Variants in EPHB4 observed in about 807,000 individuals in gnomAD.
The protein encoded by EPHB4 is ephrin type-B receptor 4.
EPHB4 carries 50 observed loss-of-function variants against 110.6 expected under a neutral mutation model. The ratio of observed to expected loss-of-function variants is 0.45; its 90% confidence interval spans 0.36 to 0.57. EPHB4 has a LOEUF of 0.57. EPHB4 is among the 20% of genes least tolerant of loss of function. The pLI, the probability that EPHB4 is intolerant of heterozygous loss-of-function variation, is 0.00. For synonymous variants in EPHB4, 592 were observed against 578.4 expected (o/e 1.02, Z -0.34); for missense variants, 1,128 against 1,382.1 (o/e 0.82, Z 2.91).
In EPHB4 at chr7:100,818,503, C is replaced by G; in HGVS notation, c.1422+17G>C. The stretch of plus-strand genomic sequence containing the variant: ...AACCCATTGCCCACCCACCCCAGGG[C>G]TGGGGGATGGCCTTACCTTCTCATG... On this transcript the variant is annotated intron_variant, in intron 7 of 16. Transcript: ENST00000358173. 1 of 1,613,256 alleles carries G rather than the reference C, an allele frequency of 6.2e-7. No homozygotes were observed. The highest frequency in any genetic ancestry group is 8.5e-7 in the Non-Finnish European group (1 of 1,179,410).
chr7:100,818,482 C>G (rs756371647), intron 7 of EPHB4, 38 bp downstream of exon 7: 1 of 1,607,552 alleles, frequency 6.2e-7, no homozygotes, highest in Non-Finnish European at 8.5e-7. Flanking sequence ...GAGCACAACC[C>G]ATTGCCCACC....
intron 1 of EPHB4, 159 bp downstream of exon 1, chr7:100,826,820 C>G: frequency 3.6e-5 from 24 of 660,242 alleles, no homozygotes; most frequent in Middle Eastern, 3.1e-4. Context: ...CGCCTCTTCC[C>G]CGCCCCCCTC....
At chr7:100,817,475 C>T (rs927451344) in intron 7 of EPHB4, 118 bp from the exon 8 acceptor site, 20 of 1,175,732 alleles carry the variant, frequency 1.7e-5, no homozygotes, top group South Asian at 1.4e-4. Context: ...ACTGGTGAGG[C>T]CTTTGGGAGA....
Position 100,813,120 on chromosome 7 carries a change from G to T in EPHB4, c.1845C>A (p.Val615=). 1.2e-6 allele frequency: 2 copies of T among 1,613,052 alleles called. No individual in the cohort carries two copies. The highest frequency in any genetic ancestry group is 1.1e-5 in the South Asian group (1 of 91,078). ...EFAKEIDVSY[V]KIEEVIGAGE... The stretch of plus-strand genomic sequence containing the variant: ...CTGCACCAATCACCTCTTCAATCTT[G>T]ACGTAGGAGACATCGATCTCTTTTG... Residue 615 remains valine (V), a synonymous_variant, in exon 11 of 17, where the codon GTC becomes GTA. Coordinates refer to ENST00000358173, the MANE Select transcript of EPHB4 (RefSeq NM_004444.5).
In EPHB4 at chr7:100,807,544, C is replaced by A; in HGVS notation, c.2155G>T (p.Gly719Cys). The A allele has an allele frequency of 6.2e-7, 1 of 1,614,070 alleles. No individual in the cohort carries two copies. The highest frequency in any genetic ancestry group is 8.5e-7 in the Non-Finnish European group (1 of 1,180,000). Residue 719 changes from glycine to cysteine, a missense_variant, in exon 13 of 17, where the codon GGC becomes TGC. Physicochemically the swap from Gly to Cys is radical, Grantham distance 159. Coordinates refer to ENST00000358173, the MANE Select transcript of EPHB4 (RefSeq NM_004444.5). ...DGQFTVIQLV[G>C]MLRGIASGMR... ...CCCGAGGCGATGCCCCGCAGCATGC[C>A]CACGAGCTGGATGACTGTGAACTGT...
chr7:100,812,732 AG>A lies in EPHB4; in HGVS notation c.2118+14del, dbSNP rs1338171362. ...GGAACTCCGGGTGGCCGCAGAAGCC[AG>A]GGAGGGTGCTCACCCGCAGGAAGGA... On this transcript the variant is annotated intron_variant, in intron 12 of 16. Coordinates refer to ENST00000358173, the MANE Select transcript of EPHB4 (RefSeq NM_004444.5). 2 of 1,608,718 alleles carry A rather than the reference AG, an allele frequency of 1.2e-6. No individual in the cohort carries two copies. Among genetic ancestry groups the A allele is most frequent in the Non-Finnish European group, 1.7e-6 (2 of 1,178,112 alleles).
chr7:100,811,279 A>T (rs1011855470), intron 12 of EPHB4, among the ~76,000 whole-genome samples: 19 of 62,842 alleles, frequency 3.0e-4, no homozygotes, highest in Admixed American at 1.7e-3. Context: ...TAATAAAGTT[A>T]AAAAAAAAAA....
Position 100,820,309 on chromosome 7 carries a change from A to G in EPHB4, c.809-13T>C, listed in dbSNP as rs1813193233. 6.2e-6 allele frequency: 10 copies of G among 1,612,260 alleles called. No homozygotes were observed. Among genetic ancestry groups the G allele is most frequent in the Non-Finnish European group, 8.5e-6 (10 of 1,179,418 alleles). On this transcript the variant is annotated splice_polypyrimidine_tract_variant and intron_variant, in intron 4 of 16. Transcript: ENST00000358173. ...CCCTGGGCACAGGCTGAGAGAGAGAAAGCATTCATCAAAAGCATGCACAAA... is the reference window on the plus strand; with the variant it reads ...CCCTGGGCACAGGCTGAGAGAGAGAGAGCATTCATCAAAAGCATGCACAAA...
chr7:100,822,233 G>C lies in EPHB4; in HGVS notation c.808+38C>G. 6 of 1,537,096 alleles carry C rather than the reference G, an allele frequency of 3.9e-6. No homozygotes were observed. Among genetic ancestry groups the C allele is most frequent in the Non-Finnish European group, 5.3e-6 (6 of 1,142,304 alleles). On this transcript the variant is annotated intron_variant, in intron 4 of 16. Transcript: ENST00000358173. This position sits in a 1 kb window ranked among gnomAD's most constrained non-coding sequence, Gnocchi z 4.7. ...TGAGTGGAGTTCAGGACTCTCCCCC[G>C]GATGAGCAGCAGTCGCAGGGGAAGC...
rs1813301239 is a variant in EPHB4 at position 100,823,760 on chromosome 7, A to G, written c.295T>C (p.Ser99Pro). 6.2e-7 allele frequency: 1 copy of G among 1,613,592 alleles called. No homozygotes were observed. The highest frequency in any genetic ancestry group is 8.5e-7 in the Non-Finnish European group (1 of 1,179,956). ...TLRFTMLECL[S>P]LPRAGRSCKE... ...CAGGAGCGCCCAGCCCGAGGCAGGGACAGGCACTCGAGCATGGTGAAGCGC... is the reference window on the plus strand; with the variant it reads ...CAGGAGCGCCCAGCCCGAGGCAGGGGCAGGCACTCGAGCATGGTGAAGCGC... The change falls in exon 3 of 17, where the codon TCC becomes CCC. Residue 99 changes from serine to proline, a missense_variant. This residue lies in a region of EPHB4 where 728 missense variants were observed against 828.6 expected (regional missense o/e 0.88). Transcript: ENST00000358173.
At chr7:100,806,351 C>T in intron 14 of EPHB4, 69 bp downstream of exon 14, 4 of 1,543,238 alleles carry the variant, frequency 2.6e-6, no homozygotes, top group Non-Finnish European at 3.5e-6. Context: ...TCTGGGAACC[C>T]ACCCTTCACC....
intron 16 of EPHB4, 107 bp from the exon 17 acceptor site, chr7:100,803,697 AAGCC>A: frequency 1.5e-6 from 2 of 1,338,670 alleles, no homozygotes; most frequent in South Asian, 3.9e-5. Flanking sequence ...CCAATCAGAA[AAGCC>A]AGCGGGGGAG....
Position 100,805,575 on chromosome 7 carries a change from G to C in EPHB4, c.2604C>G (p.Pro868=). 1.3e-6 allele frequency: 2 copies of C among 1,548,244 alleles called. No individual in the cohort carries two copies. The highest frequency in any genetic ancestry group is 1.7e-6 in the Non-Finnish European group (2 of 1,149,028). The change falls in exon 15 of 17, where the codon CCC becomes CCG. Residue 868 remains proline, a synonymous_variant. Coordinates refer to ENST00000358173, the MANE Select transcript of EPHB4 (RefSeq NM_004444.5). The part of the protein sequence containing the change: ...QKDRNARPRF[P]QVVSALDKMI... ...TCTTGTCCAGGGCGCTGACCACCTGGGGGAAGCGGGGCCGGGCATTCCGGT... is the reference window on the plus strand; with the variant it reads ...TCTTGTCCAGGGCGCTGACCACCTGCGGGAAGCGGGGCCGGGCATTCCGGT...
chr7:100,820,370 C>G, intron 4 of EPHB4, 74 bp from the exon 5 acceptor site: 1 of 1,515,726 alleles, frequency 6.6e-7, no homozygotes, highest in Non-Finnish European at 8.8e-7. Context: ...GTGGCTCATG[C>G]CTCGAATCCC....
rs762550990 is a variant in EPHB4, at chr7:100,819,900, C to T, written c.965-11G>A. ...GAGCCGAAGGAGGGGCTGCAGGAGA[C>T]CAGGGAGTCAGGCAGAGGCCGACCT... On this transcript the variant is annotated splice_polypyrimidine_tract_variant and intron_variant, in intron 5 of 16. Coordinates refer to ENST00000358173, the MANE Select transcript of EPHB4 (RefSeq NM_004444.5). The T allele has an allele frequency of 8.4e-6, 13 of 1,538,524 alleles. No individual in the cohort carries two copies. The highest frequency in any genetic ancestry group is 1.4e-5 in the African/African-American group (1 of 72,776).
At chr7:100,805,785 G>C in intron 14 of EPHB4, 91 bp from the exon 15 acceptor site, 1 of 1,268,348 alleles carries the variant, frequency 7.9e-7, no homozygotes, top group Non-Finnish European at 1.0e-6. Context: ...GAAGATGGTA[G>C]GATAGGAGCC....
intron 7 of EPHB4, among the ~76,000 whole-genome samples, chr7:100,818,261 A>G (rs1813131246): frequency 6.6e-6 from 1 of 152,102 alleles, no homozygotes; most frequent in Non-Finnish European, 1.5e-5. Context: ...TCAGCCTCCC[A>G]AAGTGCTTGG....
intron 7 of EPHB4, among the ~76,000 whole-genome samples, chr7:100,817,643 C>T (rs545630344): frequency 1.1e-4 from 16 of 152,074 alleles, no homozygotes; most frequent in Admixed American, 6.6e-4. Context: ...ATTCTCCTGT[C>T]TCAGCCTCCT....
Position 100,807,408 on chromosome 7 carries a change from A to T in EPHB4, c.2291T>A (p.Phe764Tyr). The stretch of plus-strand genomic sequence containing the variant: ...GGGATCGGAAGAGTTCTCCTCCAGG[A>T]ATCGGGAAAGGCCAAAGTCAGACAC... ...CKVSDFGLSR[F>Y]LEENSSDPTY... The change falls in exon 13 of 17, where the codon TTC becomes TAC. Residue 764 changes from phenylalanine to tyrosine, a missense_variant. Physicochemically the swap from Phe to Tyr is conservative, Grantham distance 22 (BLOSUM62 3). Around this residue, in one of 3 missense-constraint regions of EPHB4, gnomAD observed 191 missense variants for 313.0 expected, o/e 0.61. Coordinates refer to ENST00000358173, the MANE Select transcript of EPHB4 (RefSeq NM_004444.5). The T allele has an allele frequency of 6.2e-7, 1 of 1,613,862 alleles. No individual in the cohort carries two copies. Among genetic ancestry groups the T allele is most frequent in the Non-Finnish European group, 8.5e-7 (1 of 1,179,994 alleles).
Sources: allele counts gnomAD v4.1 joint callset (sites outside exome capture counted in the v4.1 genomes callset), GRCh38; gene constraint gnomAD v4.1.1; regional missense constraint gnomAD v4.1.1; non-coding constraint Gnocchi (gnomAD v3.1); transcripts MANE v1.5; gene names NCBI Gene and HGNC (gene_info 2026-07-23, HGNC 2026-07-21).